SLC12A8: variants seen among roughly 807,000 people sequenced by gnomAD.
The protein encoded by SLC12A8 is solute carrier family 12 member 8, also known as cation-chloride cotransporter 9.
Under a neutral mutation model 75.6 loss-of-function variants are expected in SLC12A8, and 69 were observed. The observed-to-expected ratio is 0.91, with a 90% confidence interval of 0.75 to 1.11. The LOEUF is 1.11. SLC12A8 is among the 50% of genes most tolerant of loss of function. The probability of loss-of-function intolerance (pLI) is 0.00; values close to 1 mark genes in which losing one functional copy is unlikely to be tolerated. For synonymous variants in SLC12A8, 365 were observed against 372.8 expected (o/e 0.98, Z 0.24); for missense variants, 877 against 896.7 (o/e 0.98, Z 0.28).
intron 7 of SLC12A8, among the ~76,000 whole-genome samples, 172 bp downstream of exon 7, chr3:125,120,427 A>C (rs916512414): frequency 6.6e-6 from 1 of 152,180 alleles, no homozygotes; most frequent in African/African-American, 2.4e-5. Flanking sequence ...GCAGTGTCTG[A>C]ACCCACCAGA....
chr3:125,125,829 T>A, intron 6 of SLC12A8: 1 of 535,088 alleles, frequency 1.9e-6, no homozygotes, highest in Non-Finnish European at 2.4e-6. Context: ...CTTTGTAGAT[T>A]TCCCCTTCTG....
chr3:125,151,871 A>G (rs1933934034), intron 5 of SLC12A8, among the ~76,000 whole-genome samples: 2 of 152,256 alleles, frequency 1.3e-5, no homozygotes, highest in Admixed American at 1.3e-4. Flanking sequence ...GTGAATTAAA[A>G]TTGATGGTGA....
chr3:125,087,934 C>A (rs149808650), intron 13 of SLC12A8: 241 of 179,818 alleles, frequency 1.3e-3, no homozygotes, highest in Middle Eastern at 2.4e-3. Flanking sequence ...TGCTTCCTGG[C>A]GTTACATTTC....
intron 6 of SLC12A8, among the ~76,000 whole-genome samples, chr3:125,123,883 C>T (rs1023762446): frequency 6.6e-5 from 10 of 152,146 alleles, no homozygotes; most frequent in Admixed American, 2.0e-4. Context: ...GTACACCTTC[C>T]TTCAGATCTT....
chr3:125,211,332 C>T lies in SLC12A8; in HGVS notation c.18G>A (p.Gln6=). The T allele has an allele frequency of 6.2e-7, 1 of 1,613,830 alleles. No individual in the cohort carries two copies. The highest frequency in any genetic ancestry group is 8.5e-7 in the Non-Finnish European group (1 of 1,179,990). ...CTGCCTCATGGAAGAGCTCCTGCAC[C>T]TGGGACATCTGGGTCATTCTCCAGC... is the stretch of plus-strand genomic sequence containing the variant. MTQMS[Q]VQELFHEAAQ... is the part of the protein sequence containing the mutation. The change falls in exon 2 of 14, where the codon CAG becomes CAA. Residue 6 remains glutamine, a synonymous_variant. Coordinates refer to ENST00000469902, the MANE Select transcript of SLC12A8 (RefSeq NM_024628.6).
At chr3:125,168,033 T>C (rs1934328723) in intron 5 of SLC12A8, among the ~76,000 whole-genome samples, 1 of 152,034 alleles carries the variant, frequency 6.6e-6, no homozygotes, top group African/African-American at 2.4e-5. Context: ...TGATCTGGCT[T>C]CAGTGCATAG....
At chr3:125,100,810 G>C (rs537060454) in intron 10 of SLC12A8, among the ~76,000 whole-genome samples, 22 of 148,166 alleles carry the variant, frequency 1.5e-4, no homozygotes, top group Admixed American at 5.3e-4. Flanking sequence ...TCAGGAGATC[G>C]AGACCATCCT....
chr3:125,100,476 C>T (rs1029257583), intron 10 of SLC12A8, among the ~76,000 whole-genome samples: 13 of 151,712 alleles, frequency 8.6e-5, no homozygotes, highest in East Asian at 2.0e-4. Flanking sequence ...GGCATGATCT[C>T]GACTCACCGC....
rs556039434 is a variant in SLC12A8, at chr3:125,107,980, G to A, written c.1206C>T (p.Tyr402=). 2.7e-5 allele frequency: 44 copies of A among 1,614,084 alleles called. No individual in the cohort carries two copies. Among genetic ancestry groups the A allele is most frequent in the Non-Finnish European group, 3.6e-5 (43 of 1,180,022 alleles). The part of the protein sequence containing the change: ...MLTYVAVDYS[Y]FSLSMCSCSL... Reference sequence around the variant, plus strand: ...TGCAGGAACACATGGACAGGGAGAAGTAAGAGTAGTCCACTGCAACGTATG... The same window carrying A: ...TGCAGGAACACATGGACAGGGAGAAATAAGAGTAGTCCACTGCAACGTATG... Residue 402 remains tyrosine (Y), a synonymous_variant, in exon 10 of 14, where the codon TAC becomes TAT. Coordinates refer to ENST00000469902, the MANE Select transcript of SLC12A8 (RefSeq NM_024628.6).
In SLC12A8 at chr3:125,155,661, G is replaced by A. The variant is rs747101854; in HGVS notation, c.623-19879C>T. 3.2e-3 allele frequency among the ~76,000 whole-genome samples: 447 copies of A among 139,094 alleles called. 2 individuals carry two copies. Among genetic ancestry groups the A allele is most frequent in the Non-Finnish European group, 4.7e-3 (300 of 63,578 alleles). 91.3% of individuals were successfully genotyped at this position (139,094 alleles called of 152,430 possible). A position where few individuals can be genotyped will look rare whatever the true frequency, so the allele number is the denominator to read the frequency against. On this transcript the variant is annotated intron_variant, in intron 5 of 13. Coordinates refer to ENST00000469902, the MANE Select transcript of SLC12A8 (RefSeq NM_024628.6). The stretch of plus-strand genomic sequence containing the variant: ...AGCTACTCGGGAGGCTGAGACAGGA[G>A]GATGGCATGAACCTGGGAGGCGGAG...
At chr3:125,147,335 C>T (rs1933802767) in intron 5 of SLC12A8, among the ~76,000 whole-genome samples, 2 of 152,228 alleles carry the variant, frequency 1.3e-5, no homozygotes, top group African/African-American at 4.8e-5. Context: ...CTTGCAGCTT[C>T]AGGCTGCACT....
intron 1 of SLC12A8, 51 bp from the exon 2 acceptor site, chr3:125,211,445 CTTG>C: frequency 3.1e-6 from 3 of 953,394 alleles, no homozygotes; most frequent in Admixed American, 1.7e-5. Context: ...CTCCTCTCCC[CTTG>C]TTGTCCATCC....
In SLC12A8 at chr3:125,114,483, G is replaced by A. The variant is rs537077596; in HGVS notation, c.913-4148C>T. Among the ~76,000 whole-genome samples, 13 of 152,334 alleles carry A rather than the reference G, an allele frequency of 8.5e-5. No homozygotes were observed. In the South Asian group the frequency reaches 2.1e-3, roughly 24 times the overall value. The stretch of plus-strand genomic sequence containing the variant: ...ACTGTTGCCCAGGCTGGAGTGCAGT[G>A]GCACGATCTTGGCTCACTGCAACCT... On this transcript the variant is annotated intron_variant, in intron 8 of 13. Transcript: ENST00000469902.
chr3:125,188,228 G>A (rs186162949), intron 3 of SLC12A8, among the ~76,000 whole-genome samples: 7 of 152,240 alleles, frequency 4.6e-5, no homozygotes, highest in South Asian at 4.2e-4. Flanking sequence ...CCTTCTCTCC[G>A]GCTACGTGGC....
At chr3:125,195,613 T>C (rs1158545566) in intron 2 of SLC12A8, among the ~76,000 whole-genome samples, 1 of 149,254 alleles carries the variant, frequency 6.7e-6, no homozygotes, top group African/African-American at 2.5e-5. Flanking sequence ...TTTTTCTCCA[T>C]ATCTGTGCAT....
rs764832282 is a variant in SLC12A8 at position 125,110,325 on chromosome 3, A to G, written c.923T>C (p.Met308Thr). 1 of 1,613,512 alleles carries G rather than the reference A, an allele frequency of 6.2e-7. No individual in the cohort carries two copies. The highest frequency in any genetic ancestry group is 8.5e-7 in the Non-Finnish European group (1 of 1,179,628). ...TAAGCCCAAAAGGAACAGGAAGCCC[A>G]TGAGGGATACCTGTGTGAGAAGCGG... Reference protein sequence around the residue: ...DFLIAEKVSLMGFLFLLGLYI... With the variant: ...DFLIAEKVSLTGFLFLLGLYI... The change falls in exon 9 of 14, where the codon ATG becomes ACG. Residue 308 changes from methionine (M) to threonine (T), a missense_variant. Transcript: ENST00000469902.
chr3:125,209,971 A>G (rs1181228982), intron 2 of SLC12A8, among the ~76,000 whole-genome samples: 3 of 152,228 alleles, frequency 2.0e-5, no homozygotes, highest in Non-Finnish European at 4.4e-5. Flanking sequence ...GGAGAGAGAA[A>G]GAAAGGATGG....
intron 5 of SLC12A8, among the ~76,000 whole-genome samples, chr3:125,165,975 T>G (rs946316524): frequency 6.6e-6 from 1 of 152,194 alleles, no homozygotes; most frequent in African/African-American, 2.4e-5. Context: ...GTCAGAAAGG[T>G]TTTTTTAAAA....
intron 5 of SLC12A8, chr3:125,154,742 A>G (rs1275639283): frequency 6.6e-6 from 1 of 152,226 alleles, no homozygotes; most frequent in African/African-American, 2.4e-5. Flanking sequence ...TAATAATAAA[A>G]TAGAACAACT....
Sources: allele counts gnomAD v4.1 joint callset (sites outside exome capture counted in the v4.1 genomes callset), GRCh38; gene constraint gnomAD v4.1.1; transcripts MANE v1.5; gene names NCBI Gene and HGNC (gene_info 2026-07-23, HGNC 2026-07-21).